Variants in DCP2 observed in about 807,000 individuals in gnomAD.
The protein encoded by DCP2 is m7GpppN-mRNA hydrolase.
In DCP2, 30 loss-of-function variants were observed where a neutral mutation model predicts 56.1. The ratio of observed to expected loss-of-function variants is 0.53; its 90% CI spans 0.40 to 0.73. The LOEUF is 0.73. DCP2 is among the 30% of genes least tolerant of loss of function. The pLI, the probability that DCP2 is intolerant of heterozygous loss-of-function variation, is 0.00. For synonymous variants in DCP2, 197 were observed against 163.3 expected (o/e 1.21, Z -1.57); for missense variants, 533 against 502.7 (o/e 1.06, Z -0.58).
intron 8 of DCP2, 81 bp downstream of exon 8, chr5:113,004,158 T>C (rs1176407459): frequency 7.4e-6 from 11 of 1,490,970 alleles, no homozygotes; most frequent in African/African-American, 1.4e-5. Flanking sequence ...GAATTACATC[T>C]TAATAGTTAC....
At chr5:112,993,653 AC>A (rs60337216) in intron 4 of DCP2, among the ~76,000 whole-genome samples, 59,584 of 141,694 alleles carry the variant, frequency 0.42, 13,494 homozygotes, top group East Asian at 0.6. Context: ...AAAAAAAAAA[AC>A]CAAAATTTTT....
At chr5:112,979,120 G>T (rs1303792501) in intron 1 of DCP2, among the ~76,000 whole-genome samples, 1 of 139,162 alleles carries the variant, frequency 7.2e-6, no homozygotes, top group Non-Finnish European at 1.5e-5. Flanking sequence ...TGGTTTTCCA[G>T]TGAGTGTATT....
At chr5:112,977,478 C>T (rs1229078754) in intron 1 of DCP2, among the ~76,000 whole-genome samples, 4 of 152,216 alleles carry the variant, frequency 2.6e-5, no homozygotes, top group Non-Finnish European at 5.9e-5. Context: ...CGGACTTATT[C>T]TGACGCCTGC....
chr5:113,002,355 G>A (rs1270265034), intron 7 of DCP2, among the ~76,000 whole-genome samples: 5 of 151,634 alleles, frequency 3.3e-5, no homozygotes, highest in African/African-American at 7.3e-5. Context: ...CCTGGGAGGC[G>A]GAGGTTTCAG....
intron 2 of DCP2, among the ~76,000 whole-genome samples, chr5:112,986,863 C>T (rs1748312980): frequency 6.6e-6 from 1 of 152,060 alleles, no homozygotes; most frequent in South Asian, 2.1e-4. Flanking sequence ...GTTACCTGGG[C>T]ATGGTGGCAC....
chr5:113,014,360 T>TAA lies in DCP2; in HGVS notation c.*877_*878insAA, dbSNP rs1749798091. 1 of 152,232 alleles carries TAA rather than the reference T, an allele frequency of 6.6e-6. No individual in the cohort carries two copies. The highest frequency in any genetic ancestry group is 1.5e-5 in the Non-Finnish European group (1 of 68,022). 9.4% of individuals were successfully genotyped at this position (152,232 alleles called of 1,614,324 possible). A position where few individuals can be genotyped will look rare whatever the true frequency, so the allele number is the denominator to read the frequency against. On this transcript the variant is annotated 3_prime_UTR_variant, in exon 11 of 11. Coordinates refer to ENST00000389063, the MANE Select transcript of DCP2 (RefSeq NM_152624.6). ...ATGGAAAACTGATATTACTAGGTTT[T>TAA]ACGTTGCATCTCCAGTATTGATCTT... is the stretch of plus-strand genomic sequence containing the variant.
chr5:113,010,926 G>A, intron 10 of DCP2, 119 bp downstream of exon 10: 1 of 1,068,386 alleles, frequency 9.4e-7, no homozygotes. Flanking sequence ...AGTTGCATAT[G>A]TTCTGTAGAA....
intron 4 of DCP2, among the ~76,000 whole-genome samples, chr5:113,000,408 A>ACC (rs1435440825): frequency 5.5e-5 from 5 of 90,414 alleles, no homozygotes; most frequent in Non-Finnish European, 1.2e-4. Flanking sequence ...ATACACACAC[A>ACC]CACACACACA....
intron 4 of DCP2, among the ~76,000 whole-genome samples, chr5:113,000,679 G>A (rs1749135771): frequency 6.6e-6 from 1 of 152,116 alleles, no homozygotes; most frequent in African/African-American, 2.4e-5. Flanking sequence ...TGCTCAGACA[G>A]CTTGCATGAG....
At chr5:112,997,375 T>A (rs1748910273) in intron 4 of DCP2, among the ~76,000 whole-genome samples, 1 of 152,248 alleles carries the variant, frequency 6.6e-6, no homozygotes, top group Non-Finnish European at 1.5e-5. Flanking sequence ...TACTTAGCTG[T>A]TCACTTGTGG....
At chr5:112,992,395 C>T in intron 3 of DCP2, 147 bp downstream of exon 3, 4 of 1,129,198 alleles carry the variant, frequency 3.5e-6, no homozygotes, top group Non-Finnish European at 3.7e-6. Flanking sequence ...TATATTTTAT[C>T]CGCATGCTAT....
intron 9 of DCP2, among the ~76,000 whole-genome samples, chr5:113,010,101 T>C (rs1749616848): frequency 1.3e-5 from 2 of 151,360 alleles, no homozygotes; most frequent in South Asian, 4.2e-4. Context: ...GGTGCGATCT[T>C]GGCTCACTGC....
At position 113,018,185 on chromosome 5, in the gene DCP2, T is replaced by G. The variant is rs181726910; in HGVS notation, c.*4701T>G. On this transcript the variant is annotated 3_prime_UTR_variant, in exon 11 of 11. Transcript: ENST00000389063. ...ATTTACTATTGAAATAGTCTTAAAA[T>G]AGGGAAAAGAGTGAAAGTTACTCTT... is the stretch of plus-strand genomic sequence containing the variant. The G allele has an allele frequency of 6.6e-6, 1 of 152,300 alleles. No homozygotes were observed. Among genetic ancestry groups the G allele is most frequent in the East Asian group, 1.9e-4 (1 of 5,186 alleles). 9.4% of individuals were successfully genotyped at this position (152,300 alleles called of 1,614,324 possible).
intron 8 of DCP2, among the ~76,000 whole-genome samples, chr5:113,007,206 A>G (rs189523192): frequency 6.6e-6 from 1 of 152,190 alleles, no homozygotes; most frequent in Non-Finnish European, 1.5e-5. Context: ...ACTGCTTATT[A>G]ATAATTTAAA....
chr5:112,977,433 C>G (rs1328988914), intron 1 of DCP2, among the ~76,000 whole-genome samples: 1 of 152,130 alleles, frequency 6.6e-6, no homozygotes, highest in African/African-American at 2.4e-5. Context: ...GGCTTAGGAT[C>G]CCAGGTACGC....
At chr5:113,000,000 G>A (rs1389345380) in intron 4 of DCP2, among the ~76,000 whole-genome samples, 1 of 142,630 alleles carries the variant, frequency 7.0e-6, no homozygotes, top group Non-Finnish European at 1.5e-5. Flanking sequence ...GGCAGAGGTT[G>A]CACTGAGCCA....
At position 113,016,598 on chromosome 5, in the gene DCP2, G is replaced by C. The variant is rs1446686099; in HGVS notation, c.*3114G>C. On this transcript the variant is annotated 3_prime_UTR_variant, in exon 11 of 11. Coordinates refer to ENST00000389063, the MANE Select transcript of DCP2 (RefSeq NM_152624.6). ...TCAAATAAAAGGAATTCAAATCTGA[G>C]TAAATAACAGCCTCCTACTATAGGA... 6.6e-6 allele frequency: 1 copy of C among 152,144 alleles called. No individual in the cohort carries two copies. Among genetic ancestry groups the C allele is most frequent in the Non-Finnish European group, 1.5e-5 (1 of 68,030 alleles). 9.4% of individuals were successfully genotyped at this position (152,144 alleles called of 1,614,324 possible).
intron 1 of DCP2, 130 bp from the exon 2 acceptor site, chr5:112,985,705 G>A (rs1748250082): frequency 1.5e-5 from 14 of 914,182 alleles, no homozygotes; most frequent in Non-Finnish European, 1.9e-5. Context: ...AATATTAATT[G>A]CTTCCTTGAA....
intron 1 of DCP2, among the ~76,000 whole-genome samples, chr5:112,985,262 A>G (rs960205336): frequency 6.6e-6 from 1 of 152,184 alleles, no homozygotes; most frequent in African/African-American, 2.4e-5. Flanking sequence ...GTATATTTAT[A>G]TGTAAAAGAA....
Sources: gnomAD v4.1 joint callset for allele counts (sites outside exome capture counted in the v4.1 genomes callset) on GRCh38, gnomAD v4.1.1 for gene constraint, MANE v1.5 for transcripts, NCBI Gene and HGNC (gene_info 2026-07-23, HGNC 2026-07-21) for gene names.